INSL6: variants seen among roughly 807,000 people sequenced by gnomAD.
INSL6 encodes insulin like 6, also known as insulin-like peptide INSL6.
A neutral mutation model predicts 9.4 loss-of-function variants in INSL6; 16 were observed. The ratio of observed to expected loss-of-function variants is 1.70; its 90% CI spans 1.15 to 2.59. The LOEUF (loss-of-function observed/expected upper bound fraction) is 2.59. INSL6 is among the 30% of genes most tolerant of loss of function. The pLI is 0.00. For missense variants in INSL6, 391 were observed against 257.3 expected (o/e 1.52, Z -3.56); for synonymous variants, 154 against 96.9 (o/e 1.59, Z -3.46).
the INSL6 span, chr9:5,054,979 C>A: frequency 8.1e-6 from 7 of 866,736 alleles, no homozygotes; most frequent in African/African-American, 1.7e-5. This position sits in a 1 kb window ranked among gnomAD's most constrained non-coding sequence, Gnocchi z 4.9. Flanking sequence ...TGGTATTGCA[C>A]TTCTCCCATT....
At chr9:5,164,306 C>T (rs755479287) in intron 1 of INSL6, 41 bp from the exon 2 acceptor site, 2 of 1,300,718 alleles carry the variant, frequency 1.5e-6, no homozygotes, top group African/African-American at 1.5e-5. Flanking sequence ...TTATTAAAAT[C>T]TTCCTTTAGA....
chr9:5,126,715 A>G lies in INSL6; in HGVS notation c.*11-2204T>C, dbSNP rs142269166. 3.3e-3 allele frequency: 5,282 copies of G among 1,610,826 alleles called. 8 individuals carry two copies. The highest frequency in any genetic ancestry group is 4.0e-3 in the Non-Finnish European group (4,763 of 1,177,544). On this transcript the variant is annotated intron_variant, in intron 3 of 3. Coordinates refer to the INSL6 transcript ENST00000649639. ...ATGATCATGACAGAATGCTGGAACA[A>G]TAATGTAAATCAACGCCCCTCCTTT...
chr9:5,112,670 G>C, the INSL6 span: 1 of 953,032 alleles, frequency 1.0e-6, no homozygotes, highest in Non-Finnish European at 1.5e-6. Context: ...CCTGCACCAG[G>C]CCGTCTCGGT....
the INSL6 span, chr9:5,077,650 C>A: frequency 1.0e-6 from 1 of 991,676 alleles, no homozygotes; most frequent in Non-Finnish European, 1.4e-6. Context: ...ATTATCTTTA[C>A]CTGGAAACAA....
the INSL6 span, chr9:5,111,722 G>T: frequency 1.4e-3 from 612 of 433,256 alleles, 2 homozygotes; most frequent in Non-Finnish European, 1.9e-3. Flanking sequence ...GCACCAGCAC[G>T]AGCGCGTGGG....
At position 5,180,242 on chromosome 9, in the gene INSL6, G is replaced by C. The variant is rs189469053; in HGVS notation, c.289+5072C>G. Among the ~76,000 whole-genome samples the C allele has an allele frequency of 7.4e-3, 1,134 of 152,236 alleles. 15 individuals carry two copies. Among genetic ancestry groups the C allele is most frequent in the African/African-American group, 0.026 (1,080 of 41,516 alleles). The stretch of plus-strand genomic sequence containing the variant: ...TAAGCTGAGGATGTATGTCACCTCA[G>C]GACCACTGTGATAATTGTGTTAACT... On this transcript the variant is annotated intron_variant, in intron 1 of 1. Coordinates refer to ENST00000381641, the MANE Select transcript of INSL6 (RefSeq NM_007179.3).
chr9:5,093,456 T>G, the INSL6 span, among the ~76,000 whole-genome samples: 2 of 152,208 alleles, frequency 1.3e-5, no homozygotes, highest in African/African-American at 4.8e-5. Flanking sequence ...AGGGTTCAGC[T>G]GTCTCTTACG....
chr9:5,082,369 T>G, the INSL6 span, among the ~76,000 whole-genome samples: 1 of 152,234 alleles, frequency 6.6e-6, no homozygotes, highest in Admixed American at 6.5e-5. Context: ...AGGCCAGATT[T>G]ATGCTTCTCT....
At chr9:5,079,644 A>C in the INSL6 span, among the ~76,000 whole-genome samples, 5 of 150,646 alleles carry the variant, frequency 3.3e-5, no homozygotes, top group Admixed American at 3.3e-4. Flanking sequence ...AAACTATATA[A>C]AAAAAAAAGA....
chr9:5,163,973 T>C lies in INSL6; in HGVS notation c.582A>G (p.Pro194=), dbSNP rs143274541. Residue 194 remains proline (P), a synonymous_variant, in exon 2 of 2, where the codon CCA becomes CCG. Transcript: ENST00000381641. ...CCTTTAGCCTTTTAAAATCAATATATGGAAGACATGCAATGCTAAGTTCTT... is the reference window on the plus strand; with the variant it reads ...CCTTTAGCCTTTTAAAATCAATATACGGAAGACATGCAATGCTAAGTTCTT... ...TKEELSIACL[P]YIDFKRLKEK... is the part of the protein sequence containing the mutation. 598 of 1,611,908 alleles carry C rather than the reference T, an allele frequency of 3.7e-4. 10 individuals are homozygous for C. The South Asian group carries it at 4.7e-3, about 13-fold the overall frequency.
chr9:5,152,926 T>C (rs1253016429), intron 2 of INSL6, among the ~76,000 whole-genome samples: 3 of 152,042 alleles, frequency 2.0e-5, no homozygotes, highest in Non-Finnish European at 4.4e-5. Flanking sequence ...GAGCGTCGCC[T>C]CACCCGGGAA....
exon 4 of INSL6, among the ~76,000 whole-genome samples, chr9:5,124,308 C>T (rs1403043590): frequency 6.6e-6 from 1 of 151,518 alleles, no homozygotes; most frequent in African/African-American, 2.4e-5. Context: ...TTAAAGTTTT[C>T]TCTAGGTTTT....
At chr9:5,034,773 A>G in the INSL6 span, among the ~76,000 whole-genome samples, 1 of 152,208 alleles carries the variant, frequency 6.6e-6, no homozygotes, top group African/African-American at 2.4e-5. Context: ...CTAAAGGCCC[A>G]CAAGAGAAAG....
chr9:5,163,971 T>C lies in INSL6; in HGVS notation c.584A>G (p.Tyr195Cys), dbSNP rs1415683524. The stretch of plus-strand genomic sequence containing the variant: ...TTCCTTTAGCCTTTTAAAATCAATA[T>C]ATGGAAGACATGCAATGCTAAGTTC... ...KEELSIACLP[Y>C]IDFKRLKEKR... The change falls in exon 2 of 2, where the codon TAT (tyrosine) becomes TGT (cysteine). Residue 195 changes from tyrosine (Y) to cysteine (C), a missense_variant. Tyr to Cys is a radical substitution (Grantham distance 194). Transcript: ENST00000381641. 3.7e-6 allele frequency: 6 copies of C among 1,611,708 alleles called. No homozygotes were observed. Among genetic ancestry groups the C allele is most frequent in the South Asian group, 2.2e-5 (2 of 90,864 alleles).
At position 5,134,623 on chromosome 9, in the gene INSL6, C is replaced by T. The variant is rs534906525; in HGVS notation, c.377-1031G>A. ...ATTGAAGGAGAAATAAAATCCCTCA[C>T]GAAGAAGCAAATGCTGAGAGATTTT... On this transcript the variant is annotated intron_variant, in intron 2 of 3. Coordinates refer to the INSL6 transcript ENST00000649639. Among the ~76,000 whole-genome samples, 13 of 152,264 alleles carry T rather than the reference C, an allele frequency of 8.5e-5. No individual in the cohort carries two copies. In the South Asian group the frequency reaches 2.1e-3, roughly 24 times the overall value.
the INSL6 span, among the ~76,000 whole-genome samples, chr9:5,056,931 C>A: frequency 0.6 from 91,435 of 151,982 alleles, 29,667 homozygotes; most frequent in African/African-American, 0.86. Flanking sequence ...CAAATGCATG[C>A]TTTGAAAACC....
chr9:5,120,404 G>A (rs944676152), downstream of INSL6, among the ~76,000 whole-genome samples: 2 of 152,094 alleles, frequency 1.3e-5, no homozygotes, highest in Non-Finnish European at 2.9e-5. Flanking sequence ...TTTATTCACA[G>A]GATTTTGCCC....
At chr9:5,148,208 T>A (rs1219109674) in intron 2 of INSL6, among the ~76,000 whole-genome samples, 1 of 152,190 alleles carries the variant, frequency 6.6e-6, no homozygotes, top group African/African-American at 2.4e-5. Flanking sequence ...GTCCACTGAC[T>A]TCATTTCTGG....
At chr9:5,148,603 G>A (rs1032421554) in intron 2 of INSL6, among the ~76,000 whole-genome samples, 4 of 152,144 alleles carry the variant, frequency 2.6e-5, no homozygotes, top group Non-Finnish European at 4.4e-5. Context: ...GGTACACCTA[G>A]GCCCCATACC....
Sources: gnomAD v4.1 joint callset for allele counts (sites outside exome capture counted in the v4.1 genomes callset) on GRCh38, gnomAD v4.1.1 for gene constraint, Gnocchi (gnomAD v3.1) non-coding constraint, MANE v1.5 for transcripts, NCBI Gene and HGNC (gene_info 2026-07-23, HGNC 2026-07-21) for gene names.